Variants in NEO1 observed in about 807,000 individuals in gnomAD.
NEO1 encodes the protein neogenin 1.
NEO1 carries 63 observed loss-of-function variants against 159.7 expected under a neutral mutation model. That is an observed-to-expected ratio of 0.39 (90% CI 0.32 to 0.49). The LOEUF (loss-of-function observed/expected upper bound fraction) is 0.49, where lower values mean the gene tolerates loss of function less well. NEO1 is among the 20% of genes least tolerant of loss of function. The probability of loss-of-function intolerance (pLI) is 0.85; values close to 1 mark genes in which losing one functional copy is unlikely to be tolerated. For synonymous variants in NEO1, 633 were observed against 662.0 expected (o/e 0.96, Z 0.67); for missense variants, 1,615 against 1,831.0 (o/e 0.88, Z 2.15).
rs182925289 is a variant in NEO1, at chr15:73,085,240, T to G, written c.131-31300T>G. Among the ~76,000 whole-genome samples, 6 of 152,240 alleles carry G rather than the reference T, an allele frequency of 3.9e-5. No homozygotes were observed. In the East Asian group the frequency reaches 1.2e-3, roughly 29 times the overall value. On this transcript the variant is annotated intron_variant, in intron 1 of 28. Transcript: ENST00000261908. ...AATATGTAATCTTTTGGGGCTGGCTTCTTTCACCAAGCATAATGCCTTTAT... is the reference window on the plus strand; with the variant it reads ...AATATGTAATCTTTTGGGGCTGGCTGCTTTCACCAAGCATAATGCCTTTAT...
chr15:73,191,523 A>T, intron 7 of NEO1, among the ~76,000 whole-genome samples: 1 of 127,660 alleles, frequency 7.8e-6, no homozygotes, highest in South Asian at 2.6e-4. Context: ...GATAATAGTA[A>T]TTGGAAAGAA....
chr15:73,132,863 A>C (rs555475162), intron 4 of NEO1, among the ~76,000 whole-genome samples: 4 of 152,186 alleles, frequency 2.6e-5, no homozygotes, highest in Non-Finnish European at 5.9e-5. Flanking sequence ...AATGGCCATA[A>C]TCAAAAAATC....
intron 7 of NEO1, among the ~76,000 whole-genome samples, chr15:73,185,552 C>A (rs938895379): frequency 3.9e-5 from 6 of 152,128 alleles, no homozygotes; most frequent in Admixed American, 3.3e-4. Flanking sequence ...ATGGTACAGC[C>A]ATTTTCGAAG....
intron 8 of NEO1, among the ~76,000 whole-genome samples, chr15:73,240,389 A>T (rs2039432890): frequency 6.6e-6 from 1 of 152,214 alleles, no homozygotes; most frequent in Admixed American, 6.5e-5. Flanking sequence ...GTAAAGGAAG[A>T]GGAAGTGCAA....
Position 73,262,141 on chromosome 15 carries a change from A to G in NEO1, c.2398+1676A>G, listed in dbSNP as rs376680794. On this transcript the variant is annotated intron_variant, in intron 15 of 28. Coordinates refer to ENST00000261908, the MANE Select transcript of NEO1 (RefSeq NM_002499.4). ...AACAGACCTAAATGCAAATGACCCA[A>G]TGACTTTGGGACAACAATTCTAGAA... 9.8e-5 allele frequency among the ~76,000 whole-genome samples: 15 copies of G among 152,334 alleles called. No homozygotes were observed. The East Asian group carries it at 1.9e-3, about 20-fold the overall frequency.
intron 5 of NEO1, among the ~76,000 whole-genome samples, chr15:73,157,272 G>C (rs1368547929): frequency 6.6e-6 from 1 of 152,204 alleles, no homozygotes; most frequent in Non-Finnish European, 1.5e-5. Flanking sequence ...TCTTGCTTGA[G>C]TCCCAGTTCT....
At chr15:73,053,362 A>G (rs1278344483) in intron 1 of NEO1, among the ~76,000 whole-genome samples, 5 of 151,996 alleles carry the variant, frequency 3.3e-5, no homozygotes, top group Admixed American at 6.5e-5. Context: ...GAGGGGCACA[A>G]TTGCCCGCTC....
chr15:73,085,161 A>C, intron 1 of NEO1, among the ~76,000 whole-genome samples: 1 of 151,998 alleles, frequency 6.6e-6, no homozygotes, highest in East Asian at 1.9e-4. Flanking sequence ...CTCCACTCCT[A>C]ACTCTTGGCA....
intron 7 of NEO1, among the ~76,000 whole-genome samples, chr15:73,232,049 G>A (rs892981411): frequency 6.6e-6 from 1 of 152,134 alleles, no homozygotes; most frequent in Non-Finnish European, 1.5e-5. Flanking sequence ...TGTAATGACT[G>A]CCTTTGTAAT....
rs532919773 is a variant in NEO1, at chr15:73,081,098, A to G, written c.130+28293A>G. On this transcript the variant is annotated intron_variant, in intron 1 of 28. Transcript: ENST00000261908. ...ATTGCTGAACACATAAAACACAGAC[A>G]TGTTCATTTTTGAAGGGCGTTGCTG... Among the ~76,000 whole-genome samples, 5 of 152,204 alleles carry G rather than the reference A, an allele frequency of 3.3e-5. No individual in the cohort carries two copies. The East Asian group carries it at 7.7e-4, about 24-fold the overall frequency.
At chr15:73,244,321 C>G (rs768899353) in intron 8 of NEO1, 23 bp from the exon 9 acceptor site, 4 of 1,600,274 alleles carry the variant, frequency 2.5e-6, no homozygotes, top group Non-Finnish European at 2.6e-6. Context: ...AATGCTATCT[C>G]TCTCCAAATC....
intron 7 of NEO1, among the ~76,000 whole-genome samples, chr15:73,225,291 G>C (rs1457019895): frequency 1.1e-4 from 17 of 152,114 alleles, no homozygotes; most frequent in Admixed American, 1.1e-3. Context: ...CTCCTGCCGG[G>C]AGTTTGTACT....
At chr15:73,082,048 A>T (rs986073218) in intron 1 of NEO1, among the ~76,000 whole-genome samples, 4 of 151,638 alleles carry the variant, frequency 2.6e-5, no homozygotes, top group African/African-American at 9.7e-5. Flanking sequence ...TAATTATTGT[A>T]TTTTTAGTAG....
intron 5 of NEO1, among the ~76,000 whole-genome samples, chr15:73,175,281 C>A (rs2035216555): frequency 6.6e-6 from 1 of 152,110 alleles, no homozygotes; most frequent in African/African-American, 2.4e-5. Flanking sequence ...TTCATTCCTA[C>A]ATACTAGCAG....
At chr15:73,266,753 A>C (rs767578862) in intron 16 of NEO1, among the ~76,000 whole-genome samples, 6 of 152,318 alleles carry the variant, frequency 3.9e-5, no homozygotes, top group African/African-American at 1.4e-4. Context: ...AAAACAAAAA[A>C]TGTAGGTTAC....
At chr15:73,052,404 GA>G (rs2067484041), upstream of NEO1, 1 of 46,866 alleles carries the variant, frequency 2.1e-5, no homozygotes, top group Non-Finnish European at 4.5e-5. Flanking sequence ...CCTGGAGACC[GA>G]CCCACCGCCC....
chr15:73,298,519 C>T lies in NEO1; in HGVS notation c.4073C>T (p.Pro1358Leu). The T allele has an allele frequency of 6.2e-7, 1 of 1,614,178 alleles. No homozygotes were observed. Among genetic ancestry groups the T allele is most frequent in the Non-Finnish European group, 8.5e-7 (1 of 1,180,032 alleles). ...LPTAHVRPSH[P>L]LKSFAVPAIP... ...ACTGCCCATGTTCGCCCTTCCCACC[C>T]ATTGAAGAGCTTCGCCGTGCCAGCA... The change falls in exon 27 of 29, where the codon CCA becomes CTA. Residue 1358 changes from proline (P) to leucine (L), a missense_variant. By Grantham distance (98) the Pro-to-Leu change is moderately conservative. This residue lies in a region of NEO1 where 471 missense variants were observed against 498.9 expected (regional missense o/e 0.94). Coordinates refer to ENST00000261908, the MANE Select transcript of NEO1 (RefSeq NM_002499.4).
Position 73,232,904 on chromosome 15 carries a change from G to A in NEO1, c.1292-3443G>A, listed in dbSNP as rs138528430. Among the ~76,000 whole-genome samples, 115 of 152,352 alleles carry A rather than the reference G, an allele frequency of 7.5e-4. 1 individual carries two copies. The highest frequency in any genetic ancestry group is 2.7e-3 in the African/African-American group (111 of 41,584). The stretch of plus-strand genomic sequence containing the variant: ...TTGAACAATCACTCTAGCAGAGCTA[G>A]AGGGGGATGCCTCAGACACTGTTTG... On this transcript the variant is annotated intron_variant, in intron 7 of 28. Coordinates refer to ENST00000261908, the MANE Select transcript of NEO1 (RefSeq NM_002499.4).
At chr15:73,154,183 C>G (rs944542289) in intron 5 of NEO1, among the ~76,000 whole-genome samples, 1 of 151,646 alleles carries the variant, frequency 6.6e-6, no homozygotes, top group Non-Finnish European at 1.5e-5. Flanking sequence ...AAGCTCAGGA[C>G]TTCTGATTCC....
Sources: gnomAD v4.1 joint callset for allele counts (sites outside exome capture counted in the v4.1 genomes callset) on GRCh38, gnomAD v4.1.1 for gene constraint, gnomAD v4.1.1 regional missense constraint, MANE v1.5 for transcripts, NCBI Gene and HGNC (gene_info 2026-07-23, HGNC 2026-07-21) for gene names.